SYNE2: variants seen among roughly 807,000 people sequenced by gnomAD.
The protein encoded by SYNE2 is nesprin-2.
Under a neutral mutation model 856.3 loss-of-function variants are expected in SYNE2, and 431 were observed. That is an observed-to-expected ratio of 0.50 (90% CI 0.47 to 0.55). The LOEUF (loss-of-function observed/expected upper bound fraction) is 0.55. Among genes scored for constraint, SYNE2 ranks in the 20% least tolerant of loss-of-function variants. The pLI, the probability that SYNE2 is intolerant of heterozygous loss-of-function variation, is 0.00. For synonymous variants in SYNE2, 2,923 were observed against 2,872.3 expected, an observed-to-expected ratio of 1.02 and a Z score of -0.56; for missense variants, 8,129 against 8,023.2, an observed-to-expected ratio of 1.01 and a Z score of -0.50.
At chr14:64,120,856 T>C in intron 67 of SYNE2, 71 bp from the exon 68 acceptor site, 1 of 1,523,802 alleles carries the variant, frequency 6.6e-7, no homozygotes, top group Non-Finnish European at 9.1e-7. Flanking sequence ...TGTAGTCCCA[T>C]TATTAGAATT....
Position 64,163,546 on chromosome 14 carries a change from G to C in SYNE2, c.16444G>C (p.Glu5482Gln). ...LHSLQRAAYLEKMLLVKANEF... is the reference protein window; with the variant it reads ...LHSLQRAAYLQKMLLVKANEF... ...CTCTCTCCAGAGGGCTGCTTATTTG[G>C]AAAAGATGCTGCTTGTGAAAGCAAA... Residue 5482 changes from glutamate (E) to glutamine (Q), a missense_variant, in exon 89 of 116, where the codon GAA becomes CAA. Around this residue, in one of 3 missense-constraint regions of SYNE2, gnomAD observed 5,410 missense variants for 5,284.8 expected, o/e 1.02. Coordinates refer to ENST00000555002, the MANE Select transcript of SYNE2 (RefSeq NM_182914.3). 6.2e-7 allele frequency: 1 copy of C among 1,614,124 alleles called. No individual in the cohort carries two copies. Among genetic ancestry groups the C allele is most frequent in the Non-Finnish European group, 8.5e-7 (1 of 1,180,018 alleles).
chr14:64,146,205 G>C lies in SYNE2; in HGVS notation c.15621G>C (p.Lys5207Asn), dbSNP rs765187695. ...CTGAAAGTGTGATCTCAGTGCAGAA[G>C]CTGCTCCTGGACTGTCAGGTGAGGA... Reference protein sequence around the residue: ...QKPESVISVQKLLLDCQDIEN... With the variant: ...QKPESVISVQNLLLDCQDIEN... The change falls in exon 84 of 116, where the codon AAG becomes AAC. Residue 5207 changes from lysine to asparagine, a missense_variant. Coordinates refer to ENST00000555002, the MANE Select transcript of SYNE2 (RefSeq NM_182914.3). 2.5e-6 allele frequency: 4 copies of C among 1,611,580 alleles called. No individual in the cohort carries two copies. The African/African-American group carries it at 4.0e-5, about 16-fold the overall frequency.
At chr14:63,799,900 G>C (rs76490296) in intron 1 of SYNE2, among the ~76,000 whole-genome samples, 3,695 of 152,258 alleles carry the variant, frequency 0.024, 159 homozygotes, top group African/African-American at 0.084. Context: ...GATACTGCCA[G>C]ATGATCCAGA....
At chr14:64,159,590 A>G in intron 87 of SYNE2, 148 bp downstream of exon 87, 1 of 907,546 alleles carries the variant, frequency 1.1e-6, no homozygotes, top group Non-Finnish European at 1.7e-6. Context: ...TGATGAATCT[A>G]GTCTATGTAA....
intron 94 of SYNE2, among the ~76,000 whole-genome samples, chr14:64,173,350 C>T (rs7147022): frequency 0.34 from 52,368 of 151,926 alleles, 9,100 homozygotes; most frequent in East Asian, 0.5. Flanking sequence ...GGCTCATTTG[C>T]GCAGCACAAT....
intron 77 of SYNE2, 99 bp downstream of exon 77, chr14:64,132,537 A>C: frequency 6.8e-7 from 1 of 1,475,924 alleles, no homozygotes; most frequent in Non-Finnish European, 9.4e-7. Flanking sequence ...TCATTAAGCT[A>C]TAGTTAAATG....
In SYNE2 at chr14:64,101,922, A is replaced by G; in HGVS notation, c.12382-10A>G. 1.2e-6 allele frequency: 2 copies of G among 1,604,406 alleles called. No homozygotes were observed. Among genetic ancestry groups the G allele is most frequent in the Non-Finnish European group, 1.7e-6 (2 of 1,171,168 alleles). ...TCTTCCCTTTGCTAACCAATCGTTT[A>G]CTGTGATAGAATGGAGATGAGAAGG... is the stretch of plus-strand genomic sequence containing the variant. On this transcript the variant is annotated splice_polypyrimidine_tract_variant and intron_variant, in intron 63 of 115. Transcript: ENST00000555002.
chr14:64,023,722 TAA>T (rs1388691818), intron 38 of SYNE2: 4 of 185,286 alleles, frequency 2.2e-5, no homozygotes, highest in African/African-American at 4.8e-5. Flanking sequence ...GTTTTGATGA[TAA>T]GTTATGTTTT....
At chr14:63,850,208 A>G (rs986773528), upstream of SYNE2, among the ~76,000 whole-genome samples, 1 of 149,466 alleles carries the variant, frequency 6.7e-6, no homozygotes, top group African/African-American at 2.5e-5. Context: ...CAGCCTCCCA[A>G]GTAGCTAGGA....
chr14:63,993,679 C>T (rs1355862491), intron 21 of SYNE2, among the ~76,000 whole-genome samples, 156 bp from the exon 22 acceptor site: 1 of 152,214 alleles, frequency 6.6e-6, no homozygotes, highest in African/African-American at 2.4e-5. Context: ...CCTCGATTTA[C>T]AAAGAGAAGT....
At position 63,789,732 on chromosome 14, in the gene SYNE2, C is replaced by T. The variant is rs540056215; in HGVS notation, c.-305+27746C>T. 8.6e-5 allele frequency among the ~76,000 whole-genome samples: 13 copies of T among 151,430 alleles called. No individual in the cohort carries two copies. In the South Asian group the frequency reaches 1.7e-3, roughly 19 times the overall value. ...AGTGGAGGTTGCAATGAGCTGAGAT[C>T]GTGCCACTGCACTCCAGCCTGGGCG... On this transcript the variant is annotated intron_variant, in intron 1 of 23. Transcript: ENST00000674003.
intron 16 of SYNE2, 128 bp downstream of exon 16, chr14:63,981,301 T>A (rs1428250557): frequency 3.6e-6 from 3 of 823,672 alleles, no homozygotes; most frequent in Non-Finnish European, 6.0e-6. Flanking sequence ...TTCTTCAAGG[T>A]CTTGGAAAGA....
intron 65 of SYNE2, among the ~76,000 whole-genome samples, chr14:64,110,966 A>G (rs2097801511): frequency 6.6e-6 from 1 of 152,138 alleles, no homozygotes; most frequent in Admixed American, 6.6e-5. Context: ...TTTCAGGTTC[A>G]AATAACTAGC....
At chr14:63,775,286 A>AT (rs1566558861) in intron 1 of SYNE2, among the ~76,000 whole-genome samples, 1 of 149,712 alleles carries the variant, frequency 6.7e-6, no homozygotes, top group African/African-American at 2.5e-5. Flanking sequence ...TTATTTACTT[A>AT]TTTTTTGAGA....
chr14:64,159,704 A>C (rs544155970), intron 87 of SYNE2, among the ~76,000 whole-genome samples: 1 of 152,362 alleles, frequency 6.6e-6, no homozygotes, highest in East Asian at 1.9e-4. Context: ...TACAGACAGT[A>C]TAGACCAAAT....
chr14:64,167,717 CA>C (rs1236143685), intron 92 of SYNE2, 78 bp downstream of exon 92: 47 of 1,593,014 alleles, frequency 3.0e-5, no homozygotes, highest in Non-Finnish European at 3.8e-5. Context: ...AAATAAAACA[CA>C]GGGAGTGTAC....
At chr14:63,964,795 A>T (rs1473236542) in intron 10 of SYNE2, among the ~76,000 whole-genome samples, 1 of 152,076 alleles carries the variant, frequency 6.6e-6, no homozygotes, top group African/African-American at 2.4e-5. Context: ...AAGTGCTGGG[A>T]TTACAGGCGT....
intron 96 of SYNE2, among the ~76,000 whole-genome samples, chr14:64,184,195 G>T (rs2098476719): frequency 6.6e-6 from 1 of 152,070 alleles, no homozygotes; most frequent in Admixed American, 6.5e-5. Flanking sequence ...GTACATTTTG[G>T]TATCTGAAAA....
chr14:64,040,514 G>C (rs1295824782), intron 45 of SYNE2, among the ~76,000 whole-genome samples: 2 of 151,184 alleles, frequency 1.3e-5, no homozygotes, highest in African/African-American at 2.4e-5. Flanking sequence ...AAGAGACTTA[G>C]TTAGAATATA....
Sources: allele counts gnomAD v4.1 joint callset (sites outside exome capture counted in the v4.1 genomes callset), GRCh38; gene constraint gnomAD v4.1.1; regional missense constraint gnomAD v4.1.1; transcripts MANE v1.5; gene names NCBI Gene and HGNC (gene_info 2026-07-23, HGNC 2026-07-21).